STX7: variants seen among roughly 807,000 people sequenced by gnomAD.
STX7 encodes syntaxin 7.
STX7 carries 34 observed loss-of-function variants against 39.6 expected under a neutral mutation model. The ratio of observed to expected loss-of-function variants is 0.86; its 90% confidence interval spans 0.65 to 1.14. STX7 has a LOEUF of 1.14. Among genes scored for constraint, STX7 ranks in the 50% most tolerant of loss-of-function variants. The pLI is 0.00. For missense variants in STX7, 284 were observed against 310.4 expected (o/e 0.92, Z 0.64); for synonymous variants, 119 against 99.1 (o/e 1.20, Z -1.19).
chr6:132,467,046 C>A (rs1213612517), intron 8 of STX7, among the ~76,000 whole-genome samples: 5 of 152,166 alleles, frequency 3.3e-5, no homozygotes, highest in Non-Finnish European at 7.3e-5. Flanking sequence ...CTGCAATAGC[C>A]TTTTAGGTGA....
Position 132,470,620 on chromosome 6 carries a change from A to T in STX7, c.394T>A (p.Phe132Ile). ...VRASSRVSGS[F>I]PEDSSKERNL... ...CTTTCTTTTGAGCTGTCCTCAGGAA[A>T]ACTGCCCTGAATAATTTAGTAACAG... Residue 132 changes from phenylalanine to isoleucine, a missense_variant, in exon 6 of 10, where the codon TTT (phenylalanine) becomes ATT (isoleucine). Coordinates refer to ENST00000367941, the MANE Select transcript of STX7 (RefSeq NM_003569.3). 1 of 1,609,308 alleles carries T rather than the reference A, an allele frequency of 6.2e-7. No homozygotes were observed. Among genetic ancestry groups the T allele is most frequent in the Non-Finnish European group, 8.5e-7 (1 of 1,176,998 alleles).
intron 2 of STX7, among the ~76,000 whole-genome samples, chr6:132,492,006 T>TG (rs1206591847): frequency 6.6e-6 from 1 of 152,182 alleles, no homozygotes; most frequent in Non-Finnish European, 1.5e-5. Flanking sequence ...GAGTCCAACA[T>TG]TGCACTGCCT....
intron 1 of STX7, among the ~76,000 whole-genome samples, chr6:132,506,000 G>A (rs1348172617): frequency 2.6e-5 from 4 of 151,834 alleles, no homozygotes; most frequent in Non-Finnish European, 4.4e-5. Context: ...AGGAAAGGAC[G>A]CCCTTTTCAA....
chr6:132,461,869 G>A (rs1340609526), intron 9 of STX7: 1 of 1,537,930 alleles, frequency 6.5e-7, no homozygotes, highest in African/African-American at 1.4e-5. Flanking sequence ...TTCTTACAAA[G>A]TAGAAAAATT....
At chr6:132,488,319 T>C (rs1414628805) in intron 2 of STX7, among the ~76,000 whole-genome samples, 1 of 152,238 alleles carries the variant, frequency 6.6e-6, no homozygotes, top group Non-Finnish European at 1.5e-5. Flanking sequence ...TCTATCTTAA[T>C]AAATGTTCTG....
intron 2 of STX7, among the ~76,000 whole-genome samples, chr6:132,497,331 T>C (rs2788939): frequency 0.71 from 108,460 of 152,062 alleles, 39,499 homozygotes; most frequent in Middle Eastern, 0.88. Context: ...TATTTGATTA[T>C]TGATTCTATT....
Position 132,450,529 on chromosome 6 carries a change from A to T in STX7, c.*10229T>A, listed in dbSNP as rs886458090. The T allele has an allele frequency of 1.3e-5, 2 of 152,144 alleles. No homozygotes were observed. The highest frequency in any genetic ancestry group is 2.9e-5 in the Non-Finnish European group (2 of 68,014). The allele number at this position is 152,144 out of a possible 1,614,324, so 9.4% of individuals were successfully genotyped here. ...GTTTAAATTGATCCTCTCAAAAAAA[A>T]AAAAATTGATACTCTCTTCTATAGT... On this transcript the variant is annotated 3_prime_UTR_variant, in exon 10 of 10. Transcript: ENST00000367941.
intron 2 of STX7, among the ~76,000 whole-genome samples, chr6:132,488,686 A>G (rs1452812700): frequency 6.6e-6 from 1 of 152,198 alleles, no homozygotes; most frequent in Non-Finnish European, 1.5e-5. Context: ...GAGATGATAA[A>G]TATCAATTGA....
chr6:132,474,007 ACTGT>A (rs1208102876), intron 3 of STX7, among the ~76,000 whole-genome samples: 2 of 151,834 alleles, frequency 1.3e-5, no homozygotes, highest in Non-Finnish European at 2.9e-5. Flanking sequence ...AGGTGGGTGG[ACTGT>A]CTGAGCCCAG....
At chr6:132,484,771 G>A (rs1177404455) in intron 2 of STX7, among the ~76,000 whole-genome samples, 1 of 152,158 alleles carries the variant, frequency 6.6e-6, no homozygotes, top group Non-Finnish European at 1.5e-5. Flanking sequence ...AGTAGAGTTG[G>A]AGCCAGACAG....
chr6:132,470,626 C>A lies in STX7; in HGVS notation c.388G>T (p.Gly130Cys). 2 of 1,606,812 alleles carry A rather than the reference C, an allele frequency of 1.2e-6. No homozygotes were observed. Among genetic ancestry groups the A allele is most frequent in the South Asian group, 1.1e-5 (1 of 90,312 alleles). Residue 130 changes from glycine (G) to cysteine (C), a missense_variant and splice_region_variant, in exon 6 of 10, where the codon GGC (glycine) becomes TGC (cysteine). By Grantham distance (159) the Gly-to-Cys change is radical. Transcript: ENST00000367941. ...TTTGAGCTGTCCTCAGGAAAACTGC[C>A]CTGAATAATTTAGTAACAGGATGGA... ...ARVRASSRVS[G>C]SFPEDSSKER...
intron 2 of STX7, among the ~76,000 whole-genome samples, chr6:132,480,211 T>A (rs1562329035): frequency 6.6e-6 from 1 of 152,184 alleles, no homozygotes; most frequent in Non-Finnish European, 1.5e-5. Context: ...GACAATGGGA[T>A]TCACTGCTCT....
At chr6:132,494,778 A>G (rs1472905065) in intron 2 of STX7, among the ~76,000 whole-genome samples, 1 of 152,226 alleles carries the variant, frequency 6.6e-6, no homozygotes, top group Non-Finnish European at 1.5e-5. Context: ...TATAAAAGCC[A>G]CAGAATTTAA....
intron 1 of STX7, among the ~76,000 whole-genome samples, chr6:132,511,760 A>G (rs558968566): frequency 1.3e-5 from 2 of 152,298 alleles, no homozygotes; most frequent in East Asian, 1.9e-4. Flanking sequence ...ACTTTCACAC[A>G]TGAAACTTGC....
intron 2 of STX7, among the ~76,000 whole-genome samples, chr6:132,485,463 A>T (rs1306864852): frequency 1.3e-5 from 2 of 152,212 alleles, no homozygotes; most frequent in Admixed American, 6.5e-5. Flanking sequence ...TTACAAATAA[A>T]GCTCCTATAA....
At chr6:132,468,997 G>T (rs1161961785) in intron 7 of STX7, among the ~76,000 whole-genome samples, 1 of 152,132 alleles carries the variant, frequency 6.6e-6, no homozygotes, top group African/African-American at 2.4e-5. Context: ...TATAAACTTG[G>T]TGATTAAATA....
intron 8 of STX7, among the ~76,000 whole-genome samples, chr6:132,466,244 C>T (rs1231671716): frequency 3.3e-5 from 5 of 152,236 alleles, no homozygotes; most frequent in African/African-American, 4.8e-5. Flanking sequence ...AACAGCAGCA[C>T]TTGAAACAGC....
rs992063707 is a variant in STX7 at position 132,453,842 on chromosome 6, T to C, written c.*6916A>G. On this transcript the variant is annotated 3_prime_UTR_variant, in exon 10 of 10. Coordinates refer to ENST00000367941, the MANE Select transcript of STX7 (RefSeq NM_003569.3). ...ATACACCACTGGTGGGTATATAAAA[T>C]AGTACAGCTACTTGGTATAAGTTTG... is the stretch of plus-strand genomic sequence containing the variant. The C allele has an allele frequency of 2.6e-5, 4 of 151,912 alleles. No homozygotes were observed. The highest frequency in any genetic ancestry group is 9.7e-5 in the African/African-American group (4 of 41,358). 9.4% of individuals were successfully genotyped at this position (151,912 alleles called of 1,614,324 possible). A position where few individuals can be genotyped will look rare whatever the true frequency, so the allele number is the denominator to read the frequency against.
rs1774229785 is a variant in STX7 at position 132,455,867 on chromosome 6, C to A, written c.*4891G>T. ...AATAGGAAGATTTTCTTCTTTATTC[C>A]TATTTGATTTAAAAGAAAAAGATTT... is the stretch of plus-strand genomic sequence containing the variant. On this transcript the variant is annotated 3_prime_UTR_variant, in exon 10 of 10. Transcript: ENST00000367941. The A allele has an allele frequency of 6.6e-6, 1 of 151,726 alleles. No homozygotes were observed. The highest frequency in any genetic ancestry group is 6.6e-5 in the Admixed American group (1 of 15,250). The allele number at this position is 151,726 out of a possible 1,614,324, so 9.4% of individuals were successfully genotyped here.
Sources: allele counts gnomAD v4.1 joint callset (sites outside exome capture counted in the v4.1 genomes callset), GRCh38; gene constraint gnomAD v4.1.1; transcripts MANE v1.5; gene names NCBI Gene and HGNC (gene_info 2026-07-23, HGNC 2026-07-21).